Variants in THSD7B observed in about 807,000 individuals in gnomAD.
THSD7B encodes the protein thrombospondin type 1 domain containing 7B.
In THSD7B, 138 loss-of-function variants were observed where a neutral mutation model predicts 213.6. That is an observed-to-expected ratio of 0.65 (90% CI 0.56 to 0.74). THSD7B has a LOEUF of 0.74. Ranked by LOEUF, THSD7B falls within the 30% of genes least tolerant of loss-of-function variation. The pLI, the probability that THSD7B is intolerant of heterozygous loss-of-function variation, is 0.00. For synonymous variants in THSD7B, 742 were observed against 687.0 expected, an observed-to-expected ratio of 1.08 and a Z score of -1.25; for missense variants, 1,931 against 1,991.5, an observed-to-expected ratio of 0.97 and a Z score of 0.58.
intron 1 of THSD7B, among the ~76,000 whole-genome samples, chr2:136,828,923 T>G (rs1682702820): frequency 6.6e-6 from 1 of 152,202 alleles, no homozygotes; most frequent in Non-Finnish European, 1.5e-5. Flanking sequence ...AGAAGAATTA[T>G]GTTTGTTTTT....
At chr2:137,633,863 G>T (rs1380677176) in intron 20 of THSD7B, among the ~76,000 whole-genome samples, 2 of 152,020 alleles carry the variant, frequency 1.3e-5, no homozygotes, top group African/African-American at 4.8e-5. Flanking sequence ...TCCATAATGA[G>T]GACTGTTTTT....
intron 17 of THSD7B, among the ~76,000 whole-genome samples, chr2:137,609,685 C>T (rs756060807): frequency 1.3e-5 from 2 of 152,084 alleles, no homozygotes; most frequent in Admixed American, 6.5e-5. Flanking sequence ...TTCACTAAGT[C>T]GGGAAGTCAT....
At chr2:136,827,782 A>AGC (rs1682680972) in intron 1 of THSD7B, among the ~76,000 whole-genome samples, 1 of 152,112 alleles carries the variant, frequency 6.6e-6, no homozygotes, top group African/African-American at 2.4e-5. Flanking sequence ...AGAGAGAGAG[A>AGC]GAGAGAGAGA....
intron 12 of THSD7B, among the ~76,000 whole-genome samples, chr2:137,312,029 T>A (rs1286740298): frequency 3.4e-5 from 5 of 148,748 alleles, no homozygotes; most frequent in African/African-American, 1.2e-4. Context: ...ATAAAATGAG[T>A]TAGGGAGAAT....
chr2:137,311,089 C>A (rs1357119769), intron 12 of THSD7B, among the ~76,000 whole-genome samples: 2 of 151,008 alleles, frequency 1.3e-5, no homozygotes, highest in South Asian at 2.1e-4. Flanking sequence ...TGTAAATTAC[C>A]TTGGGCAGTA....
chr2:137,116,260 G>A (rs1171401323), intron 5 of THSD7B, among the ~76,000 whole-genome samples: 2 of 152,158 alleles, frequency 1.3e-5, no homozygotes, highest in Non-Finnish European at 2.9e-5. Context: ...TCAACAACTG[G>A]TGCTAAAAGG....
intron 1 of THSD7B, among the ~76,000 whole-genome samples, chr2:136,875,185 G>T (rs1242614993): frequency 6.6e-6 from 1 of 152,210 alleles, no homozygotes; most frequent in African/African-American, 2.4e-5. Flanking sequence ...ACATTGGGAG[G>T]CCATGGCAGG....
chr2:137,335,280 T>G (rs945997919), intron 12 of THSD7B, among the ~76,000 whole-genome samples: 4 of 152,196 alleles, frequency 2.6e-5, no homozygotes, highest in South Asian at 2.1e-4. Context: ...AGTGTTGGAC[T>G]CTTACGAGCG....
At chr2:137,276,057 T>A (rs1269707148) in intron 12 of THSD7B, 31 bp downstream of exon 12, 2 of 1,503,888 alleles carry the variant, frequency 1.3e-6, no homozygotes. Flanking sequence ...TTTTTTTTTA[T>A]TAATACGTAA....
At chr2:136,800,056 G>A (rs1205848497) in intron 1 of THSD7B, among the ~76,000 whole-genome samples, 1 of 151,960 alleles carries the variant, frequency 6.6e-6, no homozygotes, top group Non-Finnish European at 1.5e-5. Flanking sequence ...ATTCTGATAT[G>A]TGATGCTTTA....
chr2:137,554,730 T>C (rs1170882344), intron 15 of THSD7B, among the ~76,000 whole-genome samples: 1 of 152,072 alleles, frequency 6.6e-6, no homozygotes, highest in Non-Finnish European at 1.5e-5. Context: ...GCACCGAGCG[T>C]GAGCCAAAGC....
chr2:137,068,003 T>C (rs1431223045), intron 3 of THSD7B, among the ~76,000 whole-genome samples: 1 of 152,074 alleles, frequency 6.6e-6, no homozygotes, highest in Non-Finnish European at 1.5e-5. Flanking sequence ...TTGTCAATCA[T>C]AGTTTAAGTT....
intron 15 of THSD7B, among the ~76,000 whole-genome samples, chr2:137,476,913 A>G (rs1688206143): frequency 1.3e-5 from 2 of 152,144 alleles, no homozygotes; most frequent in Non-Finnish European, 1.5e-5. Flanking sequence ...AAATTTGTTG[A>G]TATTTGTTTA....
At chr2:136,897,369 C>A (rs180697291) in intron 2 of THSD7B, among the ~76,000 whole-genome samples, 145 of 152,090 alleles carry the variant, frequency 9.5e-4, no homozygotes, top group African/African-American at 3.5e-3. Flanking sequence ...CTCGTGGTCT[C>A]GCTGACTTCA....
At chr2:137,638,956 G>A (rs550120111) in intron 20 of THSD7B, among the ~76,000 whole-genome samples, 37 of 151,704 alleles carry the variant, frequency 2.4e-4, no homozygotes, top group African/African-American at 9.0e-4. Flanking sequence ...GAGAAACAGA[G>A]CATAAAAGTT....
chr2:137,123,994 C>A (rs533642772), intron 5 of THSD7B, among the ~76,000 whole-genome samples: 47 of 152,282 alleles, frequency 3.1e-4, no homozygotes, highest in African/African-American at 1.1e-3. Flanking sequence ...TAACCCCCTG[C>A]ATATAGTCTT....
At chr2:136,903,974 T>TGTGTGTGTGTGTG (rs1573701122) in intron 2 of THSD7B, among the ~76,000 whole-genome samples, 2 of 28,510 alleles carry the variant, frequency 7.0e-5, no homozygotes, top group African/African-American at 2.5e-4. Flanking sequence ...GTGTGTGTGT[T>TGTGTGTGTGTGTG]TGTTTGTTTC....
At chr2:137,598,996 T>C (rs1014315812) in intron 17 of THSD7B, among the ~76,000 whole-genome samples, 6 of 150,154 alleles carry the variant, frequency 4.0e-5, no homozygotes, top group African/African-American at 1.5e-4. Flanking sequence ...ACTCGTCATC[T>C]AGCCTTAGGT....
chr2:137,518,558 A>G (rs1487457081), intron 15 of THSD7B, among the ~76,000 whole-genome samples: 1 of 152,198 alleles, frequency 6.6e-6, no homozygotes, highest in African/African-American at 2.4e-5. Flanking sequence ...GTAGTCAAAA[A>G]CTGTGAAGAT....
Sources: gnomAD v4.1 joint callset for allele counts (sites outside exome capture counted in the v4.1 genomes callset) on GRCh38, gnomAD v4.1.1 for gene constraint, MANE v1.5 for transcripts, NCBI Gene and HGNC (gene_info 2026-07-23, HGNC 2026-07-21) for gene names.